CMTM8: variants seen among roughly 807,000 people sequenced by gnomAD.
The protein encoded by CMTM8 is CKLF-like MARVEL transmembrane domain-containing protein 8.
In CMTM8, 12 loss-of-function variants were observed where a neutral mutation model predicts 18.6. That is an observed-to-expected ratio of 0.65 (90% CI 0.41 to 1.05). The LOEUF (loss-of-function observed/expected upper bound fraction) is 1.05, where lower values mean the gene tolerates loss of function less well. Among genes scored for constraint, CMTM8 ranks in the 50% least tolerant of loss-of-function variants. The pLI, the probability that CMTM8 is intolerant of heterozygous loss-of-function variation, is 0.00. For missense variants in CMTM8, 217 were observed against 227.2 expected, an observed-to-expected ratio of 0.95 and a Z score of 0.29; for synonymous variants, 87 against 90.6, an observed-to-expected ratio of 0.96 and a Z score of 0.23.
In CMTM8 at chr3:32,298,146, G is replaced by A. The variant is rs1344235723; in HGVS notation, c.147+59027G>A. Among the ~76,000 whole-genome samples, 2 of 151,608 alleles carry A rather than the reference G, an allele frequency of 1.3e-5. 1 individual carries two copies. The highest frequency in any genetic ancestry group is 6.8e-3 in the Middle Eastern group (2 of 294). On this transcript the variant is annotated intron_variant, in intron 1 of 3. Coordinates refer to ENST00000307526, the MANE Select transcript of CMTM8 (RefSeq NM_178868.5). ...GCTGGAGTGCAGTGGCACAATCTGG[G>A]CTCACTGCAACCTCTGCCTCCCAGG...
At chr3:32,285,406 T>C (rs1054325581) in intron 1 of CMTM8, among the ~76,000 whole-genome samples, 1 of 151,348 alleles carries the variant, frequency 6.6e-6, no homozygotes, top group Non-Finnish European at 1.5e-5. Flanking sequence ...TTTAAGCTAC[T>C]CAGAAGGCTG....
At chr3:32,272,470 C>T (rs563061654) in intron 1 of CMTM8, among the ~76,000 whole-genome samples, 1 of 152,298 alleles carries the variant, frequency 6.6e-6, no homozygotes, top group African/African-American at 2.4e-5. Context: ...TCCTTAGACT[C>T]TATCTTCCAT....
intron 1 of CMTM8, among the ~76,000 whole-genome samples, chr3:32,314,779 G>A (rs1342854938): frequency 6.6e-6 from 1 of 152,148 alleles, no homozygotes; most frequent in African/African-American, 2.4e-5. Flanking sequence ...GCCAGGGCTA[G>A]AAATGTTAAT....
intron 1 of CMTM8, among the ~76,000 whole-genome samples, chr3:32,288,025 A>G (rs961173243): frequency 1.3e-5 from 2 of 152,250 alleles, no homozygotes; most frequent in Admixed American, 1.3e-4. Flanking sequence ...TATTTATTTG[A>G]CATGTTTTAT....
rs533721603 is a variant in CMTM8 at position 32,336,984 on chromosome 3, T to C, written c.148-20389T>C. ...AGGGCCTTTTTGCTGGTGGGGACTCTGCAGAGTTTTGAGGCGGTGCAGGGC... is the reference window on the plus strand; with the variant it reads ...AGGGCCTTTTTGCTGGTGGGGACTCCGCAGAGTTTTGAGGCGGTGCAGGGC... On this transcript the variant is annotated intron_variant, in intron 1 of 3. Coordinates refer to ENST00000307526, the MANE Select transcript of CMTM8 (RefSeq NM_178868.5). 2.2e-3 allele frequency among the ~76,000 whole-genome samples: 338 copies of C among 152,262 alleles called. 1 individual carries two copies. In the Middle Eastern group the frequency reaches 0.031, roughly 14 times the overall value.
rs974907255 is a variant in CMTM8 at position 32,290,034 on chromosome 3, C to A, written c.147+50915C>A. Among the ~76,000 whole-genome samples the A allele has an allele frequency of 1.3e-4, 20 of 152,040 alleles. 1 individual carries two copies. The highest frequency in any genetic ancestry group is 4.4e-5 in the Non-Finnish European group (3 of 68,012). On this transcript the variant is annotated intron_variant, in intron 1 of 3. Transcript: ENST00000307526. ...TAGCCCCAGCTACTTGGGAGGATCACATGAGCCTGGTCAAGGCTGTAGTGA... is the reference window on the plus strand; with the variant it reads ...TAGCCCCAGCTACTTGGGAGGATCAAATGAGCCTGGTCAAGGCTGTAGTGA...
intron 1 of CMTM8, among the ~76,000 whole-genome samples, chr3:32,299,756 A>G (rs35457429): frequency 0.011 from 1,686 of 152,320 alleles, 18 homozygotes; most frequent in Non-Finnish European, 0.018. Context: ...TTAATATCCT[A>G]CTAGAACATT....
At chr3:32,288,858 C>T (rs568348051) in intron 1 of CMTM8, among the ~76,000 whole-genome samples, 16 of 152,250 alleles carry the variant, frequency 1.1e-4, no homozygotes, top group African/African-American at 3.9e-4. Flanking sequence ...GTCGAATTTC[C>T]TATAACTATG....
chr3:32,359,207 G>A (rs950996846), intron 2 of CMTM8, among the ~76,000 whole-genome samples: 4 of 152,166 alleles, frequency 2.6e-5, no homozygotes, highest in African/African-American at 7.2e-5. Context: ...TGGGCCACAC[G>A]CCTACGGCCC....
chr3:32,319,413 T>TCTC lies in CMTM8; in HGVS notation c.148-37946_148-37944dup, dbSNP rs369129488. ...AAATTTTTGAGTTAAGCTTAACTTC[T>TCTC]CTCCTCCTCCTCCTCCCCTCCCTCT... is the stretch of plus-strand genomic sequence containing the variant. On this transcript the variant is annotated intron_variant, in intron 1 of 3. Coordinates refer to ENST00000307526, the MANE Select transcript of CMTM8 (RefSeq NM_178868.5). Among the ~76,000 whole-genome samples the TCTC allele has an allele frequency of 8.0e-3, 1,211 of 151,780 alleles. 21 individuals are homozygous for TCTC. The highest frequency in any genetic ancestry group is 0.027 in the African/African-American group (1,128 of 41,320).
chr3:32,260,704 T>C (rs1196802312), intron 1 of CMTM8, among the ~76,000 whole-genome samples: 1 of 151,962 alleles, frequency 6.6e-6, no homozygotes, highest in East Asian at 1.9e-4. Flanking sequence ...CATGTTTATA[T>C]GTTTCTTCTT....
chr3:32,319,074 A>ATTTTTTTTTTTTTTT (rs1177949113), intron 1 of CMTM8, among the ~76,000 whole-genome samples: 3 of 31,530 alleles, frequency 9.5e-5, no homozygotes, highest in African/African-American at 3.1e-4. Flanking sequence ...ATATATATAT[A>ATTTTTTTTTTTTTTT]TTTTTTTTTT....
intron 1 of CMTM8, among the ~76,000 whole-genome samples, chr3:32,275,773 C>T (rs1702508255): frequency 6.6e-6 from 1 of 151,660 alleles, no homozygotes; most frequent in Admixed American, 6.6e-5. Flanking sequence ...CCTCAGCCTC[C>T]AGAGTAACTG....
chr3:32,334,675 C>T (rs1696352250), intron 1 of CMTM8, among the ~76,000 whole-genome samples: 1 of 151,872 alleles, frequency 6.6e-6, no homozygotes, highest in Non-Finnish European at 1.5e-5. Context: ...TTTTTGAAGC[C>T]AACTCGTGTT....
At chr3:32,363,849 C>T (rs1048842110) in intron 2 of CMTM8, among the ~76,000 whole-genome samples, 1 of 152,204 alleles carries the variant, frequency 6.6e-6, no homozygotes, top group African/African-American at 2.4e-5. Context: ...TGATACCACT[C>T]CTGCACTTTG....
At chr3:32,287,406 G>A (rs915385276) in intron 1 of CMTM8, among the ~76,000 whole-genome samples, 2 of 152,130 alleles carry the variant, frequency 1.3e-5, no homozygotes, top group Non-Finnish European at 2.9e-5. Context: ...ACAGGTTAAG[G>A]ACCAATGTGA....
intron 1 of CMTM8, among the ~76,000 whole-genome samples, chr3:32,316,412 C>T (rs1167494259): frequency 6.6e-6 from 1 of 152,128 alleles, no homozygotes; most frequent in Admixed American, 6.6e-5. Context: ...AAAAAAGTTC[C>T]CCTGAGAATA....
Position 32,238,875 on chromosome 3 carries a change from C to T in CMTM8, c.-98C>T, listed in dbSNP as rs1701905233. 3 of 1,187,578 alleles carry T rather than the reference C, an allele frequency of 2.5e-6. No homozygotes were observed. The highest frequency in any genetic ancestry group is 8.6e-5 in the Admixed American group (2 of 23,380). The allele number at this position is 1,187,578 out of a possible 1,614,324, so 73.6% of individuals were successfully genotyped here. A position where few individuals can be genotyped will look rare whatever the true frequency, so the allele number is the denominator to read the frequency against. ...TCCTGCCCCGCGCGGGCCGCGCTCC[C>T]CTCCCCCGCGCCTGTGTCCCCAGGG... On this transcript the variant is annotated 5_prime_UTR_variant, in exon 1 of 4. Coordinates refer to ENST00000307526, the MANE Select transcript of CMTM8 (RefSeq NM_178868.5).
At chr3:32,289,727 C>T (rs1702747115) in intron 1 of CMTM8, among the ~76,000 whole-genome samples, 1 of 152,174 alleles carries the variant, frequency 6.6e-6, no homozygotes, top group African/African-American at 2.4e-5. Context: ...ACATTAGAAG[C>T]TTTCTTTTAT....
Sources: gnomAD v4.1 joint callset for allele counts (sites outside exome capture counted in the v4.1 genomes callset) on GRCh38, gnomAD v4.1.1 for gene constraint, MANE v1.5 for transcripts, NCBI Gene and HGNC (gene_info 2026-07-23, HGNC 2026-07-21) for gene names.